PDZD2: variants seen among roughly 807,000 people sequenced by gnomAD.
The protein encoded by PDZD2 is PDZ domain containing 2, also known as PDZ domain-containing protein 2.
PDZD2 carries 90 observed loss-of-function variants against 220.7 expected under a neutral mutation model. The observed-to-expected ratio is 0.41, with a 90% CI of 0.34 to 0.49. The LOEUF (loss-of-function observed/expected upper bound fraction) is 0.49. Among genes scored for constraint, PDZD2 ranks in the 20% least tolerant of loss-of-function variants. PDZD2 has a pLI of 0.28. For synonymous variants in PDZD2, 1,375 were observed against 1,450.5 expected, an observed-to-expected ratio of 0.95 and a Z score of 1.18; for missense variants, 3,174 against 3,608.5, an observed-to-expected ratio of 0.88 and a Z score of 3.08.
intron 2 of PDZD2, among the ~76,000 whole-genome samples, chr5:31,973,176 C>T (rs759916364): frequency 9.9e-5 from 15 of 152,174 alleles, no homozygotes; most frequent in Non-Finnish European, 2.1e-4. Flanking sequence ...GAAACCAAAT[C>T]TTCATGTAAG....
At chr5:31,918,120 T>C (rs561838622) in intron 2 of PDZD2, among the ~76,000 whole-genome samples, 1 of 152,230 alleles carries the variant, frequency 6.6e-6, no homozygotes, top group African/African-American at 2.4e-5. Context: ...CTCACACTTT[T>C]AAACAACCAG....
chr5:32,013,546 T>C (rs1039613704), intron 6 of PDZD2, among the ~76,000 whole-genome samples: 8 of 152,200 alleles, frequency 5.3e-5, no homozygotes, highest in African/African-American at 1.7e-4. Flanking sequence ...CATTTTGTCA[T>C]AACACACTAG....
intron 1 of PDZD2, among the ~76,000 whole-genome samples, chr5:31,679,870 T>C (rs1444792745): frequency 6.6e-6 from 1 of 152,166 alleles, no homozygotes; most frequent in Non-Finnish European, 1.5e-5. Context: ...CCTGTAGTAT[T>C]GAGACTATGT....
intron 6 of PDZD2, 77 bp downstream of exon 6, chr5:32,010,559 A>G (rs1199033215): frequency 1.0e-6 from 1 of 953,804 alleles, no homozygotes; most frequent in East Asian, 2.4e-5. Flanking sequence ...TTAGGGGATA[A>G]ATGCTTGAGA....
chr5:31,717,070 C>T (rs1302024113), intron 1 of PDZD2, among the ~76,000 whole-genome samples: 1 of 151,938 alleles, frequency 6.6e-6, no homozygotes, highest in Non-Finnish European at 1.5e-5. Flanking sequence ...GAAGTCTCTC[C>T]CCAGTCAACA....
At chr5:31,834,310 G>A (rs948823307) in intron 2 of PDZD2, among the ~76,000 whole-genome samples, 1 of 152,144 alleles carries the variant, frequency 6.6e-6, no homozygotes, top group Non-Finnish European at 1.5e-5. Flanking sequence ...AACAGGATAT[G>A]CCCATATTCT....
intron 2 of PDZD2, among the ~76,000 whole-genome samples, chr5:31,965,683 T>A (rs1748676347): frequency 6.6e-6 from 1 of 151,940 alleles, no homozygotes; most frequent in Non-Finnish European, 1.5e-5. Flanking sequence ...TCACCTGAGG[T>A]CAGGAGTTCA....
chr5:31,765,958 A>G (rs576447551), intron 1 of PDZD2, among the ~76,000 whole-genome samples: 1 of 152,260 alleles, frequency 6.6e-6, no homozygotes, highest in South Asian at 2.1e-4. Flanking sequence ...GATCACTTGA[A>G]CCAAGGGTTC....
Position 32,101,248 on chromosome 5 carries a change from C to G in PDZD2, c.8353+9C>G, listed in dbSNP as rs765358535. ...TAAAAGAGTGTACAAAGGTAATGTT[C>G]TAGACAACTCAGTCAGCCTTCTCTC... On this transcript the variant is annotated intron_variant, in intron 24 of 24. Transcript: ENST00000438447. The G allele has an allele frequency of 6.3e-7, 1 of 1,579,250 alleles. No individual in the cohort carries two copies. The highest frequency in any genetic ancestry group is 8.6e-7 in the Non-Finnish European group (1 of 1,159,136).
intron 14 of PDZD2, among the ~76,000 whole-genome samples, chr5:32,064,919 G>A (rs1740076564): frequency 6.6e-6 from 1 of 152,166 alleles, no homozygotes; most frequent in South Asian, 2.1e-4. Flanking sequence ...AGTGAGCCAG[G>A]ATCGTGCCAC....
At position 31,995,588 on chromosome 5, in the gene PDZD2, C is replaced by A; in HGVS notation, c.991C>A (p.Arg331=). Residue 331 remains arginine (R), a synonymous_variant, in exon 4 of 25, where the codon CGA becomes AGA. Coordinates refer to ENST00000438447, the MANE Select transcript of PDZD2 (RefSeq NM_178140.4). ...SDCLAREEVG[R]IWKMELLKES... The stretch of plus-strand genomic sequence containing the variant: ...TTTTTCTTCCAAGGAGGAAGTTGGC[C>A]GAATATGGAAGATGGAGCTGCTCAA... 6.2e-7 allele frequency: 1 copy of A among 1,613,974 alleles called. No individual in the cohort carries two copies. Among genetic ancestry groups the A allele is most frequent in the South Asian group, 1.1e-5 (1 of 91,062 alleles).
chr5:31,924,741 A>G (rs768445890), intron 2 of PDZD2, among the ~76,000 whole-genome samples: 12 of 152,246 alleles, frequency 7.9e-5, no homozygotes, highest in Non-Finnish European at 1.5e-4. Flanking sequence ...TTAGAGAAAT[A>G]TCTTTAGGGA....
At chr5:31,697,323 C>T (rs1391728864) in intron 1 of PDZD2, among the ~76,000 whole-genome samples, 3 of 152,078 alleles carry the variant, frequency 2.0e-5, no homozygotes, top group Admixed American at 1.3e-4. Flanking sequence ...ATTAGCCAGG[C>T]GTGGTGGCGG....
In PDZD2 at chr5:31,813,449, C is replaced by CAAAAAA. The variant is rs60551914; in HGVS notation, c.476+13746_476+13751dup. On this transcript the variant is annotated intron_variant, in intron 2 of 24. Coordinates refer to ENST00000438447, the MANE Select transcript of PDZD2 (RefSeq NM_178140.4). ...TGGGCGACAGAGCGAGACTCCGTCT[C>CAAAAAA]AAAAAAAAAAAAAAAAAAAAAAAAA... 1.4e-3 allele frequency among the ~76,000 whole-genome samples: 128 copies of CAAAAAA among 94,198 alleles called. 6 individuals are homozygous for CAAAAAA. Among genetic ancestry groups the CAAAAAA allele is most frequent in the African/African-American group, 5.1e-3 (119 of 23,540 alleles). The allele number at this position is 94,198 out of a possible 152,430, so 61.8% of individuals were successfully genotyped here. A position where few individuals can be genotyped will look rare whatever the true frequency, so the allele number is the denominator to read the frequency against.
intron 11 of PDZD2, 46 bp downstream of exon 11, chr5:32,057,774 T>A (rs1739223279): frequency 6.9e-7 from 1 of 1,453,866 alleles, no homozygotes; most frequent in Admixed American, 1.8e-5. Context: ...TTCCTTTCTT[T>A]ATTTCCTTCT....
rs34025632 is a variant in PDZD2, at chr5:32,029,329, T to TAA, written c.1408-7879_1408-7878dup. 4.1e-3 allele frequency among the ~76,000 whole-genome samples: 270 copies of TAA among 65,820 alleles called. 11 individuals carry two copies. Among genetic ancestry groups the TAA allele is most frequent in the Middle Eastern group, 0.025 (2 of 80 alleles). 43.2% of individuals were successfully genotyped at this position (65,820 alleles called of 152,430 possible). On this transcript the variant is annotated intron_variant, in intron 6 of 24. Transcript: ENST00000438447. Reference sequence around the variant, plus strand: ...TTGCCAAAGGTAGTATCAAGAACTGTAAAAAAAAAAAAAAAAAAAAAAAAG... The same window carrying TAA: ...TTGCCAAAGGTAGTATCAAGAACTGTAAAAAAAAAAAAAAAAAAAAAAAAAAG...
chr5:31,854,358 G>T (rs1027774257), intron 2 of PDZD2, among the ~76,000 whole-genome samples: 7 of 152,166 alleles, frequency 4.6e-5, no homozygotes, highest in African/African-American at 1.7e-4. Context: ...GTAGGGGAGC[G>T]GGAGAAGGTA....
At chr5:31,895,004 C>T (rs771703172) in intron 2 of PDZD2, among the ~76,000 whole-genome samples, 4 of 152,150 alleles carry the variant, frequency 2.6e-5, no homozygotes, top group Non-Finnish European at 4.4e-5. Context: ...ATTGTTCTGC[C>T]TCAGCCTCCC....
intron 1 of PDZD2, among the ~76,000 whole-genome samples, chr5:31,673,349 G>A (rs1384143429): frequency 6.6e-6 from 1 of 152,168 alleles, no homozygotes; most frequent in Non-Finnish European, 1.5e-5. Context: ...AATGCACTGC[G>A]AGCTCCAAAA....
Sources: allele counts gnomAD v4.1 joint callset (sites outside exome capture counted in the v4.1 genomes callset), GRCh38; gene constraint gnomAD v4.1.1; transcripts MANE v1.5; gene names NCBI Gene and HGNC (gene_info 2026-07-23, HGNC 2026-07-21).